The following DBH variants were observed in gnomAD, a reference collection of about 807,000 sequenced individuals.
DBH encodes dopamine beta-hydroxylase (dopamine beta-monooxygenase).
In DBH, 49 loss-of-function variants were observed where a neutral mutation model predicts 64.0. The ratio of observed to expected loss-of-function variants is 0.77; its 90% CI spans 0.61 to 0.97. The LOEUF (loss-of-function observed/expected upper bound fraction) is 0.97, where lower values mean the gene tolerates loss of function less well. Ranked by LOEUF, DBH falls within the 50% of genes least tolerant of loss-of-function variation. The pLI is 0.00. For synonymous variants in DBH, 343 were observed against 347.1 expected, an observed-to-expected ratio of 0.99 and a Z score of 0.13; for missense variants, 828 against 826.6, an observed-to-expected ratio of 1.00 and a Z score of -0.02.
At chr9:133,645,985 C>T (rs1049781567) in intron 5 of DBH, among the ~76,000 whole-genome samples, 2 of 152,102 alleles carry the variant, frequency 1.3e-5, no homozygotes, top group Non-Finnish European at 2.9e-5. Context: ...TCAGAAAGGG[C>T]AATGCATGTA....
Position 133,656,571 on chromosome 9 carries a change from T to C in DBH, c.1483T>C (p.Tyr495His). Reference protein sequence around the residue: ...EEMCVNYVHYYPQTQLELCKS... With the variant: ...EEMCVNYVHYHPQTQLELCKS... Reference sequence around the variant, plus strand: ...GATGTGTGTCAACTACGTGCACTACTACCCCCAGACGCAGCTGGAGCTCTG... The same window carrying C: ...GATGTGTGTCAACTACGTGCACTACCACCCCCAGACGCAGCTGGAGCTCTG... The change falls in exon 10 of 12, where the codon TAC becomes CAC. Residue 495 changes from tyrosine to histidine, a missense_variant. Transcript: ENST00000393056. 2 of 1,613,914 alleles carry C rather than the reference T, an allele frequency of 1.2e-6. No individual in the cohort carries two copies. Among genetic ancestry groups the C allele is most frequent in the Non-Finnish European group, 1.7e-6 (2 of 1,180,000 alleles).
chr9:133,651,836 T>A, intron 7 of DBH, 59 bp downstream of exon 7: 1 of 1,321,244 alleles, frequency 7.6e-7, no homozygotes, highest in African/African-American at 2.0e-5. Context: ...CACGACCTCC[T>A]GGGTCTACTG....
At chr9:133,652,721 C>A (rs1357822636) in intron 8 of DBH, among the ~76,000 whole-genome samples, 1 of 152,136 alleles carries the variant, frequency 6.6e-6, no homozygotes, top group Non-Finnish European at 1.5e-5. Flanking sequence ...CCTGTTGTGA[C>A]CCACTGGGTC....
intron 6 of DBH, 52 bp downstream of exon 6, chr9:133,648,064 G>T (rs1246702786): frequency 1.3e-6 from 2 of 1,567,998 alleles, no homozygotes; most frequent in African/African-American, 2.7e-5. Context: ...GCGTCCCTCA[G>T]TGGAGGCCTG....
intron 3 of DBH, 138 bp downstream of exon 3, chr9:133,642,602 C>T (rs1832130783): frequency 1.8e-6 from 2 of 1,089,794 alleles, no homozygotes; most frequent in African/African-American, 1.6e-5. Context: ...CAGGCACCTG[C>T]CTGAGCAGGG....
chr9:133,640,415 C>T lies in DBH; in HGVS notation c.486+423C>T, dbSNP rs533739494. Among the ~76,000 whole-genome samples, 27 of 152,238 alleles carry T rather than the reference C, an allele frequency of 1.8e-4. No homozygotes were observed. In the East Asian group the frequency reaches 5.0e-3, roughly 28 times the overall value. On this transcript the variant is annotated intron_variant, in intron 2 of 11. Coordinates refer to ENST00000393056, the MANE Select transcript of DBH (RefSeq NM_000787.4). ...TCGCTGTGAGGCTCGGGACAACTGC[C>T]CCCCTCCTCTGGACCTCACTTTGCC...
intron 5 of DBH, among the ~76,000 whole-genome samples, chr9:133,647,518 C>T (rs542868457): frequency 4.4e-4 from 67 of 152,344 alleles, no homozygotes; most frequent in African/African-American, 1.4e-3. Flanking sequence ...GCATCTCACC[C>T]GCACCTGATT....
In DBH at chr9:133,636,391, G is replaced by A; in HGVS notation, c.20G>A (p.Trp7Ter). The A allele has an allele frequency of 6.2e-7, 1 of 1,610,664 alleles. No individual in the cohort carries two copies. The change falls in exon 1 of 12, where the codon TGG becomes TAG. Residue 7 changes from tryptophan to a stop codon, truncating the protein, a stop_gained. Transcript: ENST00000393056. LOFTEE classifies it high-confidence loss of function. Reference sequence around the variant, plus strand: ...CCAGCCATGCCCGCCCTCAGTCGCTGGGCCAGCCTGCCCGGCCCCAGCATG... The same window carrying A: ...CCAGCCATGCCCGCCCTCAGTCGCTAGGCCAGCCTGCCCGGCCCCAGCATG... MPALSR[W>*]ASLPGPSMRE...
intron 6 of DBH, among the ~76,000 whole-genome samples, chr9:133,648,889 T>A (rs1211929207): frequency 6.6e-6 from 1 of 152,252 alleles, no homozygotes; most frequent in African/African-American, 2.4e-5. Context: ...TCCTTGTCCA[T>A]GTAGGAAACC....
intron 4 of DBH, among the ~76,000 whole-genome samples, 163 bp from the exon 5 acceptor site, chr9:133,644,055 C>T (rs958803227): frequency 1.4e-4 from 22 of 152,288 alleles, no homozygotes; most frequent in African/African-American, 3.6e-4. Context: ...GTTCCTGGGG[C>T]GTGTAATGAG....
In DBH at chr9:133,636,694, A is replaced by G. The variant is rs1832057465; in HGVS notation, c.323A>G (p.Asp108Gly). Residue 108 changes from aspartate to glycine, a missense_variant, in exon 1 of 12, where the codon GAC becomes GGC. Asp to Gly is a moderately conservative substitution (Grantham distance 94). Coordinates refer to ENST00000393056, the MANE Select transcript of DBH (RefSeq NM_000787.4). ...ADLVVLWTDG[D>G]TAYFADAWSD... The stretch of plus-strand genomic sequence containing the variant: ...CTCGTGGTGCTCTGGACCGATGGGG[A>G]CACTGCCTATTTTGCGGTGAGTCTC... 1.2e-6 allele frequency: 2 copies of G among 1,603,538 alleles called. No individual in the cohort carries two copies. The highest frequency in any genetic ancestry group is 1.7e-6 in the Non-Finnish European group (2 of 1,179,940).
At chr9:133,657,714 A>G (rs1412314360) in intron 11 of DBH, among the ~76,000 whole-genome samples, 1 of 152,030 alleles carries the variant, frequency 6.6e-6, no homozygotes, top group Non-Finnish European at 1.5e-5. Flanking sequence ...TTTCCTCCTT[A>G]TCTGAGACCC....
rs111866707 is a variant in DBH at position 133,642,350 on chromosome 9, C to A, written c.630C>A (p.Asp210Glu). The change falls in exon 3 of 12, where the codon GAC (aspartate) becomes GAA (glutamate). Residue 210 changes from aspartate (D) to glutamate (E), a missense_variant. Transcript: ENST00000393056. The stretch of plus-strand genomic sequence containing the variant: ...TCCCCGAACCGGAGTTGCCCTCAGA[C>A]GCGTGCACCATGGAGGTCCAAGCTC... ...PNIPEPELPS[D>E]ACTMEVQAPN... 6.2e-7 allele frequency: 1 copy of A among 1,614,178 alleles called. No individual in the cohort carries two copies. Among genetic ancestry groups the A allele is most frequent in the Non-Finnish European group, 8.5e-7 (1 of 1,180,022 alleles).
chr9:133,656,476 G>A (rs770219179), intron 9 of DBH, 47 bp from the exon 10 acceptor site: 33 of 1,612,710 alleles, frequency 2.0e-5, no homozygotes, highest in Middle Eastern at 1.7e-4. Flanking sequence ...GGATGGCAGC[G>A]TCTGCGTGGC....
chr9:133,655,829 C>T (rs1343639662), intron 9 of DBH: 1 of 154,242 alleles, frequency 6.5e-6, no homozygotes, highest in Non-Finnish European at 1.4e-5. Flanking sequence ...TGTTCTTCCT[C>T]CTATGGCTGA....
chr9:133,653,020 C>T (rs1379707846), intron 9 of DBH, 21 bp downstream of exon 9: 1 of 1,589,232 alleles, frequency 6.3e-7, no homozygotes, highest in Non-Finnish European at 8.6e-7. Flanking sequence ...CCCGCTTCCC[C>T]CTGCACCTGC....
At chr9:133,644,350 A>G (rs1832156974) in intron 5 of DBH, 30 bp downstream of exon 5, 3 of 1,561,120 alleles carry the variant, frequency 1.9e-6, no homozygotes, top group Non-Finnish European at 2.6e-6. Context: ...TCCTCCTCAG[A>G]AGCCCTAGGA....
intron 1 of DBH, among the ~76,000 whole-genome samples, chr9:133,637,008 C>A (rs565724602): frequency 1.3e-5 from 2 of 152,342 alleles, no homozygotes; most frequent in African/African-American, 4.8e-5. Context: ...ACCACACACA[C>A]TCGTGCCGCT....
At chr9:133,637,009 T>A (rs1034406494) in intron 1 of DBH, among the ~76,000 whole-genome samples, 1 of 151,962 alleles carries the variant, frequency 6.6e-6, no homozygotes, top group African/African-American at 2.4e-5. Context: ...CCACACACAC[T>A]CGTGCCGCTC....
Sources: gnomAD v4.1 joint callset for allele counts (sites outside exome capture counted in the v4.1 genomes callset) on GRCh38, gnomAD v4.1.1 for gene constraint, MANE v1.5 for transcripts, NCBI Gene and HGNC (gene_info 2026-07-23, HGNC 2026-07-21) for gene names.